Variants in GALNTL6 observed in about 807,000 individuals in gnomAD.
GALNTL6 encodes polypeptide N-acetylgalactosaminyltransferase like 6.
Under a neutral mutation model 73.7 loss-of-function variants are expected in GALNTL6, and 46 were observed. That is an observed-to-expected ratio of 0.62 (90% CI 0.49 to 0.80). The LOEUF (loss-of-function observed/expected upper bound fraction) is 0.80, where lower values mean the gene tolerates loss of function less well. GALNTL6 is among the 30% of genes least tolerant of loss of function. The pLI, the probability that GALNTL6 is intolerant of heterozygous loss-of-function variation, is 0.00. For missense variants in GALNTL6, 604 were observed against 755.0 expected (o/e 0.80, Z 2.34); for synonymous variants, 259 against 263.7 (o/e 0.98, Z 0.17).
intron 5 of GALNTL6, among the ~76,000 whole-genome samples, chr4:172,477,411 T>C (rs988360159): frequency 6.6e-6 from 1 of 152,186 alleles, no homozygotes; most frequent in Non-Finnish European, 1.5e-5. Flanking sequence ...TCTTGCGTTA[T>C]AAGAAGTTTA....
At chr4:171,965,799 A>C (rs890774864) in intron 2 of GALNTL6, among the ~76,000 whole-genome samples, 1 of 152,160 alleles carries the variant, frequency 6.6e-6, no homozygotes, top group Non-Finnish European at 1.5e-5. Context: ...AAGTGAGGGA[A>C]TGGTGTTCAG....
intron 8 of GALNTL6, among the ~76,000 whole-genome samples, chr4:172,905,745 T>A (rs1481770683): frequency 6.9e-6 from 1 of 145,196 alleles, no homozygotes; most frequent in Non-Finnish European, 1.5e-5. Context: ...ATTAATTAGA[T>A]GTTATATAAT....
intron 5 of GALNTL6, among the ~76,000 whole-genome samples, chr4:172,424,618 C>T (rs780469672): frequency 1.8e-4 from 27 of 152,112 alleles, no homozygotes; most frequent in Non-Finnish European, 3.7e-4. Context: ...AGCGGCTGCT[C>T]CATGCAGTTA....
chr4:171,903,657 C>A (rs1209863950), intron 2 of GALNTL6, among the ~76,000 whole-genome samples: 9 of 147,996 alleles, frequency 6.1e-5, no homozygotes, highest in Non-Finnish European at 1.2e-4. Flanking sequence ...TCAAGGAGGC[C>A]TGCCTGCCTC....
chr4:172,322,873 C>G (rs1740807594), intron 4 of GALNTL6, among the ~76,000 whole-genome samples: 1 of 151,936 alleles, frequency 6.6e-6, no homozygotes, highest in Admixed American at 6.6e-5. Context: ...GAAAAATAAA[C>G]ACAGACTCAG....
intron 2 of GALNTL6, among the ~76,000 whole-genome samples, chr4:172,141,786 T>C (rs1401867717): frequency 6.6e-6 from 1 of 151,644 alleles, no homozygotes; most frequent in African/African-American, 2.4e-5. Context: ...ACATTGGGAG[T>C]TCCCAGCAAA....
At chr4:172,368,606 G>T (rs539059145) in intron 5 of GALNTL6, among the ~76,000 whole-genome samples, 16 of 152,312 alleles carry the variant, frequency 1.1e-4, no homozygotes, top group African/African-American at 3.8e-4. Flanking sequence ...GTTGTGTCCG[G>T]AATTTTTGGG....
chr4:171,920,051 T>C (rs1265779716), intron 2 of GALNTL6, among the ~76,000 whole-genome samples: 5 of 152,110 alleles, frequency 3.3e-5, no homozygotes, highest in South Asian at 4.1e-4. Flanking sequence ...ATGTGGCACA[T>C]ATACGCCATG....
chr4:172,028,027 C>A (rs369533016), intron 2 of GALNTL6, among the ~76,000 whole-genome samples: 1 of 152,150 alleles, frequency 6.6e-6, no homozygotes, highest in African/African-American at 2.4e-5. Context: ...CCCAGAAGAT[C>A]TAGCTAGAAT....
intron 5 of GALNTL6, among the ~76,000 whole-genome samples, chr4:172,644,523 C>T (rs1740143646): frequency 1.3e-5 from 2 of 151,900 alleles, no homozygotes; most frequent in Admixed American, 1.3e-4. Flanking sequence ...CACAGACACA[C>T]AGACTCGCCA....
intron 2 of GALNTL6, among the ~76,000 whole-genome samples, chr4:171,905,710 A>C (rs531409652): frequency 6.6e-6 from 1 of 151,106 alleles, no homozygotes; most frequent in South Asian, 2.1e-4. Context: ...GCACCACACC[A>C]CACCTATTCC....
rs886720268 is a variant in GALNTL6, at chr4:172,145,289, G to A, written c.139-84367G>A. ...CAGGTAGCTGGGACTACAGGCGCCCGCCACTACGCCCAGCTAATTTTTTTG... is the reference window on the plus strand; with the variant it reads ...CAGGTAGCTGGGACTACAGGCGCCCACCACTACGCCCAGCTAATTTTTTTG... On this transcript the variant is annotated intron_variant, in intron 2 of 12. Coordinates refer to ENST00000506823, the MANE Select transcript of GALNTL6 (RefSeq NM_001034845.3). 1.0e-3 allele frequency among the ~76,000 whole-genome samples: 154 copies of A among 152,128 alleles called. 2 individuals carry two copies. The highest frequency in any genetic ancestry group is 5.2e-4 in the Admixed American group (8 of 15,270).
chr4:171,997,244 G>A lies in GALNTL6; in HGVS notation c.138+182526G>A, dbSNP rs187363429. On this transcript the variant is annotated intron_variant, in intron 2 of 12. Transcript: ENST00000506823. ...CTGGATCAAGACTCCCAGAAGAGGG[G>A]CAACTTCCCTAGCTCCATACCAATC... is the stretch of plus-strand genomic sequence containing the variant. Among the ~76,000 whole-genome samples, 9 of 152,158 alleles carry A rather than the reference G, an allele frequency of 5.9e-5. No homozygotes were observed. The East Asian group carries it at 1.7e-3, about 29-fold the overall frequency.
chr4:171,931,230 G>A (rs561895574), intron 2 of GALNTL6, among the ~76,000 whole-genome samples: 4 of 152,122 alleles, frequency 2.6e-5, no homozygotes, highest in Non-Finnish European at 5.9e-5. Context: ...TGCCCAAGCT[G>A]GAGTGCAGTG....
In GALNTL6 at chr4:171,934,492, C is replaced by T. The variant is rs140981337; in HGVS notation, c.138+119774C>T. On this transcript the variant is annotated intron_variant, in intron 2 of 12. Coordinates refer to ENST00000506823, the MANE Select transcript of GALNTL6 (RefSeq NM_001034845.3). ...GCAGTGGTATGATCATGGCTCACTG[C>T]AGCCTCAATTTCCCAGGCTCATGTG... 1.7e-3 allele frequency among the ~76,000 whole-genome samples: 255 copies of T among 152,294 alleles called. 2 individuals carry two copies. Among genetic ancestry groups the T allele is most frequent in the Admixed American group, 0.012 (177 of 15,288 alleles).
At chr4:172,602,219 T>A (rs576686275) in intron 5 of GALNTL6, among the ~76,000 whole-genome samples, 1 of 152,136 alleles carries the variant, frequency 6.6e-6, no homozygotes, top group Non-Finnish European at 1.5e-5. Context: ...TGGAAATTCT[T>A]TAGGATGGGT....
At chr4:172,584,394 A>G (rs2110981403) in intron 5 of GALNTL6, among the ~76,000 whole-genome samples, 1 of 152,324 alleles carries the variant, frequency 6.6e-6, no homozygotes, top group East Asian at 1.9e-4. Context: ...CAAAACAAAA[A>G]ATAGAGATAT....
At chr4:172,446,063 A>C (rs1316846572) in intron 5 of GALNTL6, among the ~76,000 whole-genome samples, 2 of 152,164 alleles carry the variant, frequency 1.3e-5, no homozygotes, top group African/African-American at 4.8e-5. Flanking sequence ...TATCAAAATA[A>C]AAACAAAAGC....
intron 4 of GALNTL6, among the ~76,000 whole-genome samples, chr4:172,334,018 G>C (rs1477881568): frequency 2.6e-5 from 4 of 152,136 alleles, no homozygotes; most frequent in African/African-American, 9.6e-5. Context: ...CTTATTTCTG[G>C]ATTCTCTCTT....
Sources: gnomAD v4.1 joint callset for allele counts (sites outside exome capture counted in the v4.1 genomes callset) on GRCh38, gnomAD v4.1.1 for gene constraint, MANE v1.5 for transcripts, NCBI Gene and HGNC (gene_info 2026-07-23, HGNC 2026-07-21) for gene names.